Variants in NELL1 observed in about 807,000 individuals in gnomAD.
NELL1 encodes neural EGFL like 1.
In NELL1, 76 loss-of-function variants were observed where a neutral mutation model predicts 107.4. The observed-to-expected ratio is 0.71, with a 90% confidence interval of 0.59 to 0.86. The LOEUF is 0.86. Ranked by LOEUF, NELL1 falls within the 40% of genes least tolerant of loss-of-function variation. The pLI, the probability that NELL1 is intolerant of heterozygous loss-of-function variation, is 0.00. For synonymous variants in NELL1, 353 were observed against 341.2 expected (o/e 1.03, Z -0.38); for missense variants, 1,024 against 1,005.5 (o/e 1.02, Z -0.25).
chr11:20,746,152 G>T (rs1855997710), intron 2 of NELL1, among the ~76,000 whole-genome samples: 1 of 152,172 alleles, frequency 6.6e-6, no homozygotes, highest in African/African-American at 2.4e-5. Context: ...TAGTCACCTG[G>T]ACTGTGGTTG....
At position 21,337,784 on chromosome 11, in the gene NELL1, CTTT is replaced by C. The variant is rs1565175373; in HGVS notation, c.1550-33068_1550-33066del. Among the ~76,000 whole-genome samples the C allele has an allele frequency of 9.3e-5, 13 of 139,566 alleles. No individual in the cohort carries two copies. The East Asian group carries it at 1.5e-3, about 16-fold the overall frequency. 91.6% of individuals were successfully genotyped at this position (139,566 alleles called of 152,430 possible). A position where few individuals can be genotyped will look rare whatever the true frequency, so the allele number is the denominator to read the frequency against. ...TCTTTCTTTCTTTCTTTCTTTCTTTCTTTCTTTCTTTCCTTCTTTCTTTCTTGC... is the reference window on the plus strand; with the variant it reads ...TCTTTCTTTCTTTCTTTCTTTCTTTCCTTTCTTTCCTTCTTTCTTTCTTGC... On this transcript the variant is annotated intron_variant, in intron 14 of 19. Transcript: ENST00000357134.
chr11:20,670,107 C>T (rs1853860789), intron 1 of NELL1, among the ~76,000 whole-genome samples: 1 of 152,114 alleles, frequency 6.6e-6, no homozygotes, highest in African/African-American at 2.4e-5. Context: ...AGGGCGGGCC[C>T]GCGTGCCCCG....
At chr11:21,467,083 A>G (rs767990195) in intron 15 of NELL1, among the ~76,000 whole-genome samples, 6 of 152,052 alleles carry the variant, frequency 3.9e-5, no homozygotes, top group Admixed American at 1.3e-4. Context: ...GACTTTGGTT[A>G]TTGTTGTTGT....
At chr11:20,916,919 T>TA (rs1724478331) in intron 5 of NELL1, among the ~76,000 whole-genome samples, 1 of 151,910 alleles carries the variant, frequency 6.6e-6, no homozygotes, top group Non-Finnish European at 1.5e-5. Flanking sequence ...GTGGCTAACT[T>TA]ATTGCCTAAG....
At chr11:21,386,804 A>G (rs897352383) in intron 15 of NELL1, among the ~76,000 whole-genome samples, 1 of 151,880 alleles carries the variant, frequency 6.6e-6, no homozygotes, top group South Asian at 2.1e-4. Context: ...ATTTTTGTAC[A>G]TATATTTTTC....
intron 14 of NELL1, among the ~76,000 whole-genome samples, chr11:21,262,922 A>G (rs113381863): frequency 1.3e-4 from 20 of 151,490 alleles, no homozygotes; most frequent in Non-Finnish European, 2.8e-4. Context: ...TGATTTTTCA[A>G]TTTTTATACT....
chr11:21,269,602 A>G (rs1268515485), intron 14 of NELL1, among the ~76,000 whole-genome samples: 4 of 152,110 alleles, frequency 2.6e-5, no homozygotes, highest in Non-Finnish European at 5.9e-5. Flanking sequence ...TTATCCTTCA[A>G]AAGTAGAGGA....
chr11:21,435,287 G>A (rs138295469), intron 15 of NELL1, among the ~76,000 whole-genome samples: 2 of 152,048 alleles, frequency 1.3e-5, no homozygotes, highest in African/African-American at 4.8e-5. Context: ...GGTTTTTTTA[G>A]CATTTCCACA....
chr11:21,335,680 G>A (rs747171927), intron 14 of NELL1, among the ~76,000 whole-genome samples: 13 of 152,120 alleles, frequency 8.5e-5, no homozygotes, highest in Non-Finnish European at 1.8e-4. Flanking sequence ...GACATTATTA[G>A]GTCCTTTCCC....
intron 2 of NELL1, among the ~76,000 whole-genome samples, chr11:20,705,873 C>G (rs1312120719): frequency 6.6e-6 from 1 of 151,980 alleles, no homozygotes; most frequent in African/African-American, 2.4e-5. Context: ...ACAGACACTT[C>G]TCATAAGAAG....
intron 13 of NELL1, among the ~76,000 whole-genome samples, chr11:21,202,611 C>G (rs1453973203): frequency 6.6e-6 from 1 of 151,860 alleles, no homozygotes; most frequent in Non-Finnish European, 1.5e-5. Flanking sequence ...AGAGTTTTTC[C>G]TGTCTCTAAC....
chr11:21,304,240 T>G (rs963642291), intron 14 of NELL1, among the ~76,000 whole-genome samples: 9 of 152,080 alleles, frequency 5.9e-5, no homozygotes, highest in Non-Finnish European at 2.9e-5. Context: ...GTACTTAGAC[T>G]ATTCCACACA....
chr11:20,694,272 A>G (rs942220489), intron 2 of NELL1, among the ~76,000 whole-genome samples: 2 of 151,964 alleles, frequency 1.3e-5, no homozygotes, highest in Non-Finnish European at 2.9e-5. Flanking sequence ...TCTGAAGCCT[A>G]GGTCCTCCTT....
At chr11:21,106,580 C>A (rs1377203594) in intron 12 of NELL1, among the ~76,000 whole-genome samples, 1 of 152,060 alleles carries the variant, frequency 6.6e-6, no homozygotes, top group African/African-American at 2.4e-5. Flanking sequence ...AAAAGAGATC[C>A]ATTCCATTGT....
At chr11:21,241,891 G>T (rs1420929082) in intron 14 of NELL1, among the ~76,000 whole-genome samples, 1 of 141,068 alleles carries the variant, frequency 7.1e-6, no homozygotes, top group Non-Finnish European at 1.5e-5. Context: ...GACTGAATTC[G>T]ATGTCTGTTT....
intron 12 of NELL1, among the ~76,000 whole-genome samples, chr11:21,036,782 TGTTA>T (rs1322101603): frequency 2.0e-5 from 3 of 151,976 alleles, no homozygotes; most frequent in Non-Finnish European, 4.4e-5. Context: ...CTAGAAATTC[TGTTA>T]GTTTAAAATT....
chr11:21,470,048 T>A (rs1335638715), intron 15 of NELL1, among the ~76,000 whole-genome samples: 1 of 152,046 alleles, frequency 6.6e-6, no homozygotes, highest in African/African-American at 2.4e-5. Context: ...CAATAGTAAT[T>A]AACAATTACT....
intron 4 of NELL1, among the ~76,000 whole-genome samples, chr11:20,874,075 C>CT (rs889771364): frequency 3.3e-5 from 5 of 150,710 alleles, no homozygotes; most frequent in East Asian, 2.0e-4. Context: ...TGAGTTTAGA[C>CT]TTTTTTTTTG....
intron 12 of NELL1, among the ~76,000 whole-genome samples, chr11:21,035,233 G>A (rs7939675): frequency 0.26 from 39,853 of 151,724 alleles, 6,091 homozygotes; most frequent in African/African-American, 0.42. Flanking sequence ...TCAGTAATAA[G>A]TAGCCTACCA....
Sources: allele counts gnomAD v4.1 joint callset (sites outside exome capture counted in the v4.1 genomes callset), GRCh38; gene constraint gnomAD v4.1.1; transcripts MANE v1.5; gene names NCBI Gene and HGNC (gene_info 2026-07-23, HGNC 2026-07-21).